The following PTPN21 variants were observed in gnomAD, a reference collection of about 807,000 sequenced individuals.
The protein encoded by PTPN21 is tyrosine-protein phosphatase non-receptor type 21.
In PTPN21, 77 loss-of-function variants were observed where a neutral mutation model predicts 131.8. That is an observed-to-expected ratio of 0.58 (90% confidence interval 0.49 to 0.71). The LOEUF is 0.71. PTPN21 is among the 30% of genes least tolerant of loss of function. The pLI, the probability that PTPN21 is intolerant of heterozygous loss-of-function variation, is 0.00. For synonymous variants in PTPN21, 715 were observed against 621.3 expected (o/e 1.15, Z -2.24); for missense variants, 1,552 against 1,527.1 (o/e 1.02, Z -0.27).
At chr14:88,543,170 G>A (rs1483526975) in intron 2 of PTPN21, among the ~76,000 whole-genome samples, 1 of 152,174 alleles carries the variant, frequency 6.6e-6, no homozygotes, top group Non-Finnish European at 1.5e-5. Flanking sequence ...TTCTAAAGTT[G>A]TGCTTGAGGG....
chr14:88,505,334 G>A lies in PTPN21; in HGVS notation c.486C>T (p.Asp162=), dbSNP rs761191035. The A allele has an allele frequency of 4.3e-6, 7 of 1,609,942 alleles. No individual in the cohort carries two copies. Among genetic ancestry groups the A allele is most frequent in the Non-Finnish European group, 5.9e-6 (7 of 1,176,990 alleles). ...FGDFDQYESQ[D]FLQKFALFPV... is the part of the protein sequence containing the mutation. Reference sequence around the variant, plus strand: ...GAAACAAGGCAAATTTCTGAAGAAAGTCCTGGGATTCATACTGATCAAAGT... The same window carrying A: ...GAAACAAGGCAAATTTCTGAAGAAAATCCTGGGATTCATACTGATCAAAGT... The change falls in exon 5 of 19, where the codon GAC becomes GAT. Residue 162 remains aspartate, a synonymous_variant. Transcript: ENST00000556564.
At chr14:88,473,179 A>G (rs957833253) in intron 14 of PTPN21, among the ~76,000 whole-genome samples, 5 of 152,302 alleles carry the variant, frequency 3.3e-5, no homozygotes, top group African/African-American at 9.6e-5. Flanking sequence ...AATATTCGAA[A>G]CTACCTCCAG....
intron 10 of PTPN21, among the ~76,000 whole-genome samples, chr14:88,494,814 C>A (rs2077880202): frequency 6.6e-6 from 1 of 151,454 alleles, no homozygotes; most frequent in Admixed American, 6.6e-5. Context: ...GAGATCAAGA[C>A]CATCCTGGCC....
In PTPN21 at chr14:88,480,131, A is replaced by T. The variant is rs2077628235; in HGVS notation, c.1300T>A (p.Ser434Thr). 1.2e-6 allele frequency: 2 copies of T among 1,614,016 alleles called. No individual in the cohort carries two copies. Among genetic ancestry groups the T allele is most frequent in the Non-Finnish European group, 1.7e-6 (2 of 1,179,990 alleles). Reference sequence around the variant, plus strand: ...GGTATCACGGCGCTGTGCCGATGGGACGGGAGGTAGTCAGGCCTCATGACG... The same window carrying T: ...GGTATCACGGCGCTGTGCCGATGGGTCGGGAGGTAGTCAGGCCTCATGACG... ...SDVMRPDYLP[S>T]HRHSAVIPPS... Residue 434 changes from serine to threonine, a missense_variant, in exon 13 of 19, where the codon TCC (serine) becomes ACC (threonine). Transcript: ENST00000556564.
chr14:88,537,061 C>T (rs935912753), intron 2 of PTPN21, among the ~76,000 whole-genome samples: 4 of 152,102 alleles, frequency 2.6e-5, no homozygotes, highest in Admixed American at 2.6e-4. Flanking sequence ...TTCTTCTATA[C>T]TTGATCAAAT....
chr14:88,508,098 T>A lies in PTPN21; in HGVS notation c.351-78A>T, dbSNP rs140668183. 1.7e-5 allele frequency: 13 copies of A among 752,740 alleles called. No individual in the cohort carries two copies. The East Asian group carries it at 3.1e-4, about 18-fold the overall frequency. The allele number at this position is 752,740 out of a possible 1,614,324, so 46.6% of individuals were successfully genotyped here. A position where few individuals can be genotyped will look rare whatever the true frequency, so the allele number is the denominator to read the frequency against. On this transcript the variant is annotated intron_variant, in intron 3 of 18. Coordinates refer to ENST00000556564, the MANE Select transcript of PTPN21 (RefSeq NM_007039.4). ...TACAATGCATTTAACCATAATTTGG[T>A]AGAGAAGCATAAACCAGTGAAATAA...
chr14:88,546,443 G>A (rs1267401162), intron 2 of PTPN21, among the ~76,000 whole-genome samples: 1 of 151,354 alleles, frequency 6.6e-6, no homozygotes, highest in Non-Finnish European at 1.5e-5. Flanking sequence ...GGGCATGGTG[G>A]TAGGCACCTG....
intron 5 of PTPN21, 126 bp from the exon 6 acceptor site, chr14:88,504,621 G>C: frequency 1.4e-6 from 1 of 693,448 alleles, no homozygotes; most frequent in Non-Finnish European, 2.5e-6. Context: ...TTACTATATG[G>C]GAGCTTTGTT....
chr14:88,484,907 C>A lies in PTPN21; in HGVS notation c.1078+169G>T, dbSNP rs558154618. ...GTCTCCAAAAAAACAAACAAACAAA[C>A]AAAAAACAATATATTGGCTTCTTTT... is the stretch of plus-strand genomic sequence containing the variant. On this transcript the variant is annotated intron_variant, in intron 12 of 18. Coordinates refer to ENST00000556564, the MANE Select transcript of PTPN21 (RefSeq NM_007039.4). Among the ~76,000 whole-genome samples the A allele has an allele frequency of 9.2e-5, 14 of 152,024 alleles. No individual in the cohort carries two copies. The East Asian group carries it at 2.1e-3, about 23-fold the overall frequency.
chr14:88,500,683 C>G, intron 8 of PTPN21, 100 bp downstream of exon 8: 1 of 802,552 alleles, frequency 1.2e-6, no homozygotes, highest in Non-Finnish European at 2.1e-6. Flanking sequence ...TTAATGAGAC[C>G]TTGGTATAGA....
chr14:88,548,183 A>C (rs1309317283), intron 2 of PTPN21, among the ~76,000 whole-genome samples: 1 of 152,060 alleles, frequency 6.6e-6, no homozygotes, highest in Non-Finnish European at 1.5e-5. Context: ...CTGTACCTGA[A>C]CCACTCCCCT....
chr14:88,495,009 T>C (rs1335821319), intron 10 of PTPN21, among the ~76,000 whole-genome samples: 2 of 63,020 alleles, frequency 3.2e-5, no homozygotes, highest in Non-Finnish European at 5.9e-5. Flanking sequence ...CGAGACTCTG[T>C]CTCCAAAAAA....
At chr14:88,552,794 A>C (rs1443145765) in intron 1 of PTPN21, among the ~76,000 whole-genome samples, 1 of 152,240 alleles carries the variant, frequency 6.6e-6, no homozygotes, top group Non-Finnish European at 1.5e-5. Flanking sequence ...AAGTAAAGCA[A>C]GATGGAAAAA....
intron 2 of PTPN21, among the ~76,000 whole-genome samples, chr14:88,530,043 C>T (rs769403512): frequency 6.6e-6 from 1 of 151,680 alleles, no homozygotes; most frequent in Non-Finnish European, 1.5e-5. Context: ...ACAAGGTAAC[C>T]TATAAAGGAA....
At position 88,499,134 on chromosome 14, in the gene PTPN21, C is replaced by A. The variant is rs147074887; in HGVS notation, c.764+1649G>T. ...ATTTTCCTCTCCTCTCCCTGACCCC[C>A]AACTCAGCATGTTGGGAAGGGTTAA... On this transcript the variant is annotated intron_variant, in intron 8 of 18. Coordinates refer to ENST00000556564, the MANE Select transcript of PTPN21 (RefSeq NM_007039.4). Among the ~76,000 whole-genome samples the A allele has an allele frequency of 5.9e-3, 903 of 152,244 alleles. 12 individuals carry two copies. Among genetic ancestry groups the A allele is most frequent in the African/African-American group, 0.021 (870 of 41,522 alleles).
chr14:88,473,021 A>G (rs550002567), intron 14 of PTPN21, among the ~76,000 whole-genome samples: 17 of 152,310 alleles, frequency 1.1e-4, no homozygotes, highest in Admixed American at 8.5e-4. Context: ...TTTTCTCTAG[A>G]TCTGTGGTCA....
At chr14:88,473,558 A>G in intron 14 of PTPN21, 107 bp downstream of exon 14, 4 of 1,345,940 alleles carry the variant, frequency 3.0e-6, no homozygotes, top group Non-Finnish European at 4.1e-6. Context: ...ACACTCATTT[A>G]TTATTAAATT....
rs758180651 is a variant in PTPN21 at position 88,479,323 on chromosome 14, T to C, written c.2108A>G (p.Asp703Gly). The C allele has an allele frequency of 1.2e-6, 2 of 1,613,340 alleles. No homozygotes were observed. The highest frequency in any genetic ancestry group is 2.2e-5 in the South Asian group (2 of 91,082). Residue 703 changes from aspartate (D) to glycine (G), a missense_variant, in exon 13 of 19, where the codon GAC becomes GGC. Transcript: ENST00000556564. ...GCTGCTGTGGATTAGCATGGTGGCG[T>C]CCGACAGGGACTTCTTATGGCCGTA... Reference protein sequence around the residue: ...LRYGHKKSLSDATMLIHSSEE... With the variant: ...LRYGHKKSLSGATMLIHSSEE...
intron 12 of PTPN21, among the ~76,000 whole-genome samples, chr14:88,484,438 G>A (rs1186826651): frequency 2.0e-5 from 3 of 152,076 alleles, no homozygotes; most frequent in Admixed American, 6.5e-5. Flanking sequence ...AACTGCAGTA[G>A]TCATGTGTTT....
Sources: allele counts gnomAD v4.1 joint callset (sites outside exome capture counted in the v4.1 genomes callset), GRCh38; gene constraint gnomAD v4.1.1; transcripts MANE v1.5; gene names NCBI Gene and HGNC (gene_info 2026-07-23, HGNC 2026-07-21).